Variants in CSMD1 observed in about 807,000 individuals in gnomAD.
The protein encoded by CSMD1 is CUB and sushi domain-containing protein 1.
Under a neutral mutation model 417.5 loss-of-function variants are expected in CSMD1, and 213 were observed. That is an observed-to-expected ratio of 0.51 (90% CI 0.46 to 0.57). CSMD1 has a LOEUF of 0.57. Ranked by LOEUF, CSMD1 falls within the 20% of genes least tolerant of loss-of-function variation. CSMD1 has a pLI of 0.00. For missense variants in CSMD1, 6,923 were observed against 4,529.7 expected (o/e 1.53, Z -15.17); for synonymous variants, 2,862 against 1,736.8 (o/e 1.65, Z -16.11).
intron 3 of CSMD1, among the ~76,000 whole-genome samples, chr8:4,213,988 C>T (rs1451375933): frequency 6.6e-6 from 1 of 152,034 alleles, no homozygotes; most frequent in Non-Finnish European, 1.5e-5. Context: ...TCAAGGCACA[C>T]AAACAGAAAG....
intron 5 of CSMD1, among the ~76,000 whole-genome samples, chr8:3,937,778 G>A (rs894063450): frequency 1.3e-5 from 2 of 152,086 alleles, no homozygotes; most frequent in African/African-American, 4.8e-5. Flanking sequence ...TTTCTGTCAT[G>A]AGAGCCTCAC....
chr8:3,496,316 T>C (rs1796362756), intron 10 of CSMD1, among the ~76,000 whole-genome samples: 1 of 152,142 alleles, frequency 6.6e-6, no homozygotes, highest in Non-Finnish European at 1.5e-5. Context: ...TTTTGGTTGG[T>C]TTGCTGTTCT....
chr8:3,684,272 G>A (rs1351205999), intron 7 of CSMD1, among the ~76,000 whole-genome samples: 3 of 137,664 alleles, frequency 2.2e-5, no homozygotes, highest in South Asian at 2.2e-4. Context: ...ATAGCTATAT[G>A]TTATATATTA....
intron 1 of CSMD1, among the ~76,000 whole-genome samples, chr8:4,793,100 T>A (rs1242724058): frequency 6.6e-6 from 1 of 152,080 alleles, no homozygotes; most frequent in African/African-American, 2.4e-5. Flanking sequence ...CATATACAAT[T>A]TTTTCTTTTG....
intron 2 of CSMD1, among the ~76,000 whole-genome samples, chr8:4,574,629 T>C (rs1011696480): frequency 1.3e-5 from 2 of 152,192 alleles, no homozygotes; most frequent in African/African-American, 4.8e-5. Flanking sequence ...ATGAATACAT[T>C]AATGGGAGAC....
rs185088917 is a variant in CSMD1, at chr8:4,725,871, T to C, written c.86-88313A>G. 3.1e-4 allele frequency among the ~76,000 whole-genome samples: 47 copies of C among 152,246 alleles called. No individual in the cohort carries two copies. In the East Asian group the frequency reaches 3.5e-3, roughly 11 times the overall value. ...GTTTTGAGACCTACCCTCCGACATC[T>C]TGTAGACCCTGGTTGTGGGACTGGG... On this transcript the variant is annotated intron_variant, in intron 1 of 69. Transcript: ENST00000635120.
At chr8:4,433,495 T>G (rs866652668) in intron 2 of CSMD1, among the ~76,000 whole-genome samples, 27 of 152,308 alleles carry the variant, frequency 1.8e-4, no homozygotes, top group Middle Eastern at 6.8e-3. Context: ...GGCCAAGTGT[T>G]TCCCTCATTC....
chr8:4,337,866 A>C (rs1800259638), intron 3 of CSMD1, among the ~76,000 whole-genome samples: 1 of 152,188 alleles, frequency 6.6e-6, no homozygotes, highest in African/African-American at 2.4e-5. Context: ...CTTTAAGAGT[A>C]AAAATAGGCA....
chr8:4,295,607 T>C (rs1225836643), intron 3 of CSMD1, among the ~76,000 whole-genome samples: 1 of 144,920 alleles, frequency 6.9e-6, no homozygotes, highest in South Asian at 2.2e-4. Flanking sequence ...TTATATATAA[T>C]CCTAAGATTA....
At chr8:4,486,061 T>C (rs901329400) in intron 2 of CSMD1, among the ~76,000 whole-genome samples, 5 of 150,426 alleles carry the variant, frequency 3.3e-5, no homozygotes, top group African/African-American at 4.9e-5. Flanking sequence ...AATATCTAAG[T>C]ATTAAAATTA....
intron 5 of CSMD1, among the ~76,000 whole-genome samples, chr8:3,822,421 G>C (rs1006745255): frequency 3.3e-5 from 5 of 152,156 alleles, no homozygotes; most frequent in African/African-American, 9.7e-5. Flanking sequence ...TTTTTAGGTT[G>C]AATATCTAGA....
At chr8:4,461,216 G>C (rs915970565) in intron 2 of CSMD1, among the ~76,000 whole-genome samples, 1 of 151,916 alleles carries the variant, frequency 6.6e-6, no homozygotes, top group African/African-American at 2.4e-5. Flanking sequence ...CAATTAACTA[G>C]CAATGGGGAA....
chr8:2,949,501 G>A (rs144666650), intron 67 of CSMD1, 115 bp from the exon 68 acceptor site: 131 of 476,858 alleles, frequency 2.7e-4, no homozygotes, highest in African/African-American at 2.2e-3. Flanking sequence ...AGATACTACT[G>A]GTTAAATGTT....
chr8:3,781,717 A>T (rs891047174), intron 5 of CSMD1, among the ~76,000 whole-genome samples: 1 of 152,176 alleles, frequency 6.6e-6, no homozygotes, highest in Non-Finnish European at 1.5e-5. Context: ...GGGTGTCCCC[A>T]TGTGAGGGGG....
chr8:4,194,693 A>G (rs528855592), intron 3 of CSMD1, among the ~76,000 whole-genome samples: 2 of 152,180 alleles, frequency 1.3e-5, no homozygotes, highest in Non-Finnish European at 2.9e-5. Context: ...CATACAACAC[A>G]AAGCCATTTG....
At chr8:4,756,633 C>T (rs1049521404) in intron 1 of CSMD1, among the ~76,000 whole-genome samples, 1 of 152,118 alleles carries the variant, frequency 6.6e-6, no homozygotes, top group African/African-American at 2.4e-5. Context: ...TGTCTCACTC[C>T]AGGATTAACT....
chr8:3,829,157 G>C (rs542045337), intron 5 of CSMD1, among the ~76,000 whole-genome samples: 1 of 152,196 alleles, frequency 6.6e-6, no homozygotes, highest in Non-Finnish European at 1.5e-5. Flanking sequence ...CACTCTATTT[G>C]TTGTCTTTTA....
chr8:4,733,554 T>G (rs1810036432), intron 1 of CSMD1, among the ~76,000 whole-genome samples: 1 of 152,232 alleles, frequency 6.6e-6, no homozygotes, highest in East Asian at 1.9e-4. Context: ...CCATTTAAAC[T>G]GACAAAGCTA....
chr8:3,379,527 A>C (rs1399890734), intron 18 of CSMD1, among the ~76,000 whole-genome samples: 2 of 152,208 alleles, frequency 1.3e-5, no homozygotes, highest in Non-Finnish European at 2.9e-5. Flanking sequence ...CAAAAACAGC[A>C]AGGTACTGGT....
Sources: gnomAD v4.1 joint callset for allele counts (sites outside exome capture counted in the v4.1 genomes callset) on GRCh38, gnomAD v4.1.1 for gene constraint, MANE v1.5 for transcripts, NCBI Gene and HGNC (gene_info 2026-07-23, HGNC 2026-07-21) for gene names.